OR1I1: variants seen among roughly 807,000 people sequenced by gnomAD.
OR1I1 encodes olfactory receptor 1I1.
For synonymous variants in OR1I1, 171 were observed against 181.4 expected (o/e 0.94, Z 0.46); for missense variants, 451 against 443.6 (o/e 1.02, Z -0.15).
chr19:15,092,081 A>T lies in OR1I1; in HGVS notation c.*3948A>T. ...TAATGTCATTTCACAAATTGGATTT[A>T]AAACGCTTTTTTTTTTTTTTTTTTT... is the stretch of plus-strand genomic sequence containing the variant. On this transcript the variant is annotated 3_prime_UTR_variant, in exon 2 of 2. Coordinates refer to ENST00000641398, the MANE Select transcript of OR1I1 (RefSeq NM_001004713.2). 8.6e-6 allele frequency: 1 copy of T among 115,754 alleles called. No individual in the cohort carries two copies. Among genetic ancestry groups the T allele is most frequent in the South Asian group, 2.3e-4 (1 of 4,342 alleles). The allele number at this position is 115,754 out of a possible 1,614,324, so 7.2% of individuals were successfully genotyped here.
chr19:15,088,110 G>A lies in OR1I1; in HGVS notation c.1045G>A (p.Ala349Thr). 1 of 1,557,678 alleles carries A rather than the reference G, an allele frequency of 6.4e-7. No individual in the cohort carries two copies. Among genetic ancestry groups the A allele is most frequent in the Admixed American group, 1.9e-5 (1 of 51,442 alleles). ...CTACCCTGGAGGAGTTCAGAGTCTA[G>A]CTGGGAACAGAGACATGGAATAAAT... ...IPYPGGVQSL[A>T]GNRDME is the part of the protein sequence containing the mutation. Residue 349 changes from alanine to threonine, a missense_variant, in exon 2 of 2, where the codon GCT becomes ACT. Ala to Thr is a moderately conservative substitution (Grantham distance 58). Coordinates refer to ENST00000641398, the MANE Select transcript of OR1I1 (RefSeq NM_001004713.2).
At chr19:15,083,716 A>G (rs1421507946) in intron 1 of OR1I1, among the ~76,000 whole-genome samples, 1 of 152,198 alleles carries the variant, frequency 6.6e-6, no homozygotes, top group Non-Finnish European at 1.5e-5. Flanking sequence ...TACTGGGCTC[A>G]CGCCTGTAAT....
Position 15,087,335 on chromosome 19 carries a change from A to G in OR1I1, c.270A>G (p.Arg90=). The change falls in exon 2 of 2, where the codon AGA becomes AGG. Residue 90 remains arginine (R), a synonymous_variant. Transcript: ENST00000641398. ...KMLANIQAQS[R]AIPFVGCLTQ... ...TAGCGAACATCCAGGCTCAGAGCAG[A>G]GCCATCCCCTTTGTGGGCTGCCTCA... The G allele has an allele frequency of 6.2e-7, 1 of 1,614,200 alleles. No homozygotes were observed. Among genetic ancestry groups the G allele is most frequent in the Non-Finnish European group, 8.5e-7 (1 of 1,180,022 alleles).
At chr19:15,082,629 G>T (rs910013916) in intron 1 of OR1I1, among the ~76,000 whole-genome samples, 1 of 152,072 alleles carries the variant, frequency 6.6e-6, no homozygotes, top group Non-Finnish European at 1.5e-5. Context: ...TGAGAAACAA[G>T]TTTCTCCAAT....
chr19:15,092,300 G>C lies in OR1I1; in HGVS notation c.*4167G>C, dbSNP rs909291992. On this transcript the variant is annotated 3_prime_UTR_variant, in exon 2 of 2. Coordinates refer to ENST00000641398, the MANE Select transcript of OR1I1 (RefSeq NM_001004713.2). ...GTGTGGCCTGAGCCCAGAGTGACAG[G>C]GAAGCTGGGTTTGCAGGGGGCCCGT... 4 of 152,110 alleles carry C rather than the reference G, an allele frequency of 2.6e-5. No homozygotes were observed. The highest frequency in any genetic ancestry group is 9.7e-5 in the African/African-American group (4 of 41,328). 9.4% of individuals were successfully genotyped at this position (152,110 alleles called of 1,614,324 possible).
Position 15,088,145 on chromosome 19 carries a change from A to G in OR1I1, c.*12A>G. 1.3e-6 allele frequency: 2 copies of G among 1,537,150 alleles called. No homozygotes were observed. The highest frequency in any genetic ancestry group is 1.7e-4 in the Middle Eastern group (1 of 5,876). The stretch of plus-strand genomic sequence containing the variant: ...GAGACATGGAATAAATCCTTCCAGT[A>G]CAACGTGATAAATGTGTCATAAAGA... On this transcript the variant is annotated 3_prime_UTR_variant, in exon 2 of 2. Coordinates refer to ENST00000641398, the MANE Select transcript of OR1I1 (RefSeq NM_001004713.2).
rs1167538841 is a variant in OR1I1 at position 15,088,169 on chromosome 19, GA to G, written c.*37del. 2.0e-6 allele frequency: 3 copies of G among 1,509,792 alleles called. No individual in the cohort carries two copies. The highest frequency in any genetic ancestry group is 2.7e-6 in the Non-Finnish European group (3 of 1,125,006). The allele number at this position is 1,509,792 out of a possible 1,614,324, so 93.5% of individuals were successfully genotyped here. A position where few individuals can be genotyped will look rare whatever the true frequency, so the allele number is the denominator to read the frequency against. ...TACAACGTGATAAATGTGTCATAAA[GA>G]GATGAACAAAGTGTATGAGCACCCA... On this transcript the variant is annotated 3_prime_UTR_variant, in exon 2 of 2. Transcript: ENST00000641398.
rs1180561343 is a variant in OR1I1, at chr19:15,087,921, A to C, written c.856A>C (p.Asn286His). ...LMCGVFIPMLNPFIYSIRNKD... is the reference protein window; with the variant it reads ...LMCGVFIPMLHPFIYSIRNKD... Reference sequence around the variant, plus strand: ...GTGTGGGGTGTTCATCCCCATGCTCAACCCCTTTATCTACAGCATACGGAA... The same window carrying C: ...GTGTGGGGTGTTCATCCCCATGCTCCACCCCTTTATCTACAGCATACGGAA... Residue 286 changes from asparagine to histidine, a missense_variant, in exon 2 of 2, where the codon AAC becomes CAC. By Grantham distance (68) the Asn-to-His change is moderately conservative. Coordinates refer to ENST00000641398, the MANE Select transcript of OR1I1 (RefSeq NM_001004713.2). The C allele has an allele frequency of 1.9e-6, 3 of 1,614,042 alleles. No individual in the cohort carries two copies. The highest frequency in any genetic ancestry group is 1.7e-5 in the Admixed American group (1 of 60,008).
chr19:15,085,147 TA>T (rs1568321808), intron 1 of OR1I1, among the ~76,000 whole-genome samples: 597 of 33,892 alleles, frequency 0.018, 44 homozygotes, highest in African/African-American at 0.066. Context: ...TATATATATA[TA>T]TATATATATA....
chr19:15,082,535 G>A lies in OR1I1; in HGVS notation c.-14+259G>A, dbSNP rs572501965. 1.6e-3 allele frequency among the ~76,000 whole-genome samples: 250 copies of A among 152,180 alleles called. 1 individual carries two copies. Among genetic ancestry groups the A allele is most frequent in the Non-Finnish European group, 3.2e-3 (215 of 68,008 alleles). The stretch of plus-strand genomic sequence containing the variant: ...CTCTGAGTGGACAAAGCACGCAGAC[G>A]GCAGACCCTCTGTGGCAGGATATGT... On this transcript the variant is annotated intron_variant, in intron 1 of 1. Transcript: ENST00000641398.
At chr19:15,086,178 G>T (rs949247585) in intron 1 of OR1I1, among the ~76,000 whole-genome samples, 1 of 152,032 alleles carries the variant, frequency 6.6e-6, no homozygotes, top group African/African-American at 2.4e-5. Flanking sequence ...GCCAGTCATG[G>T]TGGTGCGTGC....
At chr19:15,085,129 CTTAT>C (rs1568321770) in intron 1 of OR1I1, among the ~76,000 whole-genome samples, 18 of 64,870 alleles carry the variant, frequency 2.8e-4, no homozygotes, top group African/African-American at 7.4e-4. Context: ...GCATTTTTGA[CTTAT>C]ATATATATAT....
intron 1 of OR1I1, among the ~76,000 whole-genome samples, chr19:15,083,156 G>A (rs555564661): frequency 2.9e-4 from 44 of 152,042 alleles, no homozygotes; most frequent in African/African-American, 9.2e-4. Flanking sequence ...GCCCAGGTTG[G>A]TCTCTAACTC....
In OR1I1 at chr19:15,091,850, A is replaced by G. The variant is rs917839860; in HGVS notation, c.*3717A>G. The G allele has an allele frequency of 4.1e-5, 6 of 144,900 alleles. No homozygotes were observed. Among genetic ancestry groups the G allele is most frequent in the Non-Finnish European group, 9.2e-5 (6 of 65,334 alleles). 9.0% of individuals were successfully genotyped at this position (144,900 alleles called of 1,614,324 possible). ...TCTCAAAAAAAAAAAAAAAAAAAAA[A>G]AAAAGTTTGTAATTTAAAAGTTTGA... On this transcript the variant is annotated 3_prime_UTR_variant, in exon 2 of 2. Transcript: ENST00000641398.
Position 15,087,165 on chromosome 19 carries a change from A to G in OR1I1, c.100A>G (p.Thr34Ala), listed in dbSNP as rs2046233093. Residue 34 changes from threonine to alanine, a missense_variant, in exon 2 of 2, where the codon ACA becomes GCA. Transcript: ENST00000641398. Reference sequence around the variant, plus strand: ...CCTCCTCTTCACAATGTTCCTCTCCACATACCTGGTCACCATCATTGGAAA... The same window carrying G: ...CCTCCTCTTCACAATGTTCCTCTCCGCATACCTGGTCACCATCATTGGAAA... The part of the protein sequence containing the change: ...QTLLFTMFLS[T>A]YLVTIIGNAL... 6.2e-7 allele frequency: 1 copy of G among 1,613,956 alleles called. No homozygotes were observed. Among genetic ancestry groups the G allele is most frequent in the Non-Finnish European group, 8.5e-7 (1 of 1,179,950 alleles).
In OR1I1 at chr19:15,087,069, G is replaced by A. The variant is rs2046232483; in HGVS notation, c.4G>A (p.Glu2Lys). MEPEKQTEISEF... is the reference protein window; with the variant it reads MKPEKQTEISEF... Reference sequence around the variant, plus strand: ...TCCCACTAGTCACAGACCATACATGGAACCAGAAAAGCAAACCGAAATCTC... The same window carrying A: ...TCCCACTAGTCACAGACCATACATGAAACCAGAAAAGCAAACCGAAATCTC... The change falls in exon 2 of 2, where the codon GAA (glutamate) becomes AAA (lysine). Residue 2 changes from glutamate (E) to lysine (K), a missense_variant. Glu to Lys is a moderately conservative substitution (Grantham distance 56, BLOSUM62 1). Transcript: ENST00000641398. 1 of 1,609,012 alleles carries A rather than the reference G, an allele frequency of 6.2e-7. No homozygotes were observed. The highest frequency in any genetic ancestry group is 1.3e-5 in the African/African-American group (1 of 74,850).
In OR1I1 at chr19:15,092,057, A is replaced by AATG. The variant is rs1235571124; in HGVS notation, c.*3925_*3927dup. ...AGAGAAGTGGCCACTAGGTGGCAATAATGTCATTTCACAAATTGGATTTAA... is the reference window on the plus strand; with the variant it reads ...AGAGAAGTGGCCACTAGGTGGCAATAATGATGTCATTTCACAAATTGGATTTAA... On this transcript the variant is annotated 3_prime_UTR_variant, in exon 2 of 2. Transcript: ENST00000641398. The AATG allele has an allele frequency of 7.1e-6, 1 of 140,676 alleles. No homozygotes were observed. Among genetic ancestry groups the AATG allele is most frequent in the Non-Finnish European group, 1.5e-5 (1 of 66,706 alleles). The allele number at this position is 140,676 out of a possible 1,614,324, so 8.7% of individuals were successfully genotyped here.
chr19:15,083,122 T>C (rs1462875065), intron 1 of OR1I1, among the ~76,000 whole-genome samples: 1 of 152,146 alleles, frequency 6.6e-6, no homozygotes, highest in Non-Finnish European at 1.5e-5. Context: ...TTTTATTTTG[T>C]AGAGATGGGG....
At chr19:15,084,366 T>C (rs987767137) in intron 1 of OR1I1, among the ~76,000 whole-genome samples, 1 of 152,182 alleles carries the variant, frequency 6.6e-6, no homozygotes, top group Admixed American at 6.5e-5. Flanking sequence ...AAGACCAGTC[T>C]GACAAACATG....
Sources: allele counts gnomAD v4.1 joint callset (sites outside exome capture counted in the v4.1 genomes callset), GRCh38; gene constraint gnomAD v4.1.1; transcripts MANE v1.5; gene names NCBI Gene and HGNC (gene_info 2026-07-23, HGNC 2026-07-21).